TMEM196: variants seen among roughly 807,000 people sequenced by gnomAD.
TMEM196 encodes transmembrane protein 196.
TMEM196 carries 17 observed loss-of-function variants against 20.0 expected under a neutral mutation model. The ratio of observed to expected loss-of-function variants is 0.85; its 90% CI spans 0.58 to 1.27. TMEM196 has a LOEUF of 1.27. Among genes scored for constraint, TMEM196 ranks in the 50% most tolerant of loss-of-function variants. The pLI, the probability that TMEM196 is intolerant of heterozygous loss-of-function variation, is 0.00. For missense variants in TMEM196, 267 were observed against 223.0 expected (o/e 1.20, Z -1.26); for synonymous variants, 113 against 88.9 (o/e 1.27, Z -1.52).
chr7:19,745,172 T>C (rs2128026470), intron 1 of TMEM196, among the ~76,000 whole-genome samples: 1 of 152,362 alleles, frequency 6.6e-6, no homozygotes, highest in African/African-American at 2.4e-5. Flanking sequence ...AATGCTACTA[T>C]GTAAATAGTT....
At chr7:19,758,499 T>C (rs1785304482) in intron 1 of TMEM196, among the ~76,000 whole-genome samples, 1 of 152,210 alleles carries the variant, frequency 6.6e-6, no homozygotes. Flanking sequence ...GAATCATCTG[T>C]CGAAATAATG....
intron 1 of TMEM196, among the ~76,000 whole-genome samples, chr7:19,744,625 A>G (rs1015598624): frequency 6.6e-6 from 1 of 152,214 alleles, no homozygotes; most frequent in Non-Finnish European, 1.5e-5. Context: ...CTTAGCCTTA[A>G]CAAAAAACAA....
intron 1 of TMEM196, among the ~76,000 whole-genome samples, chr7:19,741,505 AAC>A (rs897773434): frequency 2.6e-5 from 4 of 152,170 alleles, no homozygotes; most frequent in Non-Finnish European, 5.9e-5. Context: ...AACATTTGAA[AAC>A]AGTTATGGTT....
rs1783800924 is a variant in TMEM196, at chr7:19,721,200, AG to A, written c.*927del. The A allele has an allele frequency of 6.6e-6, 1 of 151,900 alleles. No homozygotes were observed. Among genetic ancestry groups the A allele is most frequent in the Non-Finnish European group, 1.5e-5 (1 of 67,794 alleles). 9.4% of individuals were successfully genotyped at this position (151,900 alleles called of 1,614,324 possible). The stretch of plus-strand genomic sequence containing the variant: ...AAACATGTGATTTTGTGGGCATAGA[AG>A]GGCCTTGAGCAATTGCCTTCCCATT... On this transcript the variant is annotated 3_prime_UTR_variant, in exon 5 of 5. Coordinates refer to ENST00000405844, the MANE Select transcript of TMEM196 (RefSeq NM_001363562.2).
chr7:19,763,532 C>T (rs1785510869), intron 1 of TMEM196, among the ~76,000 whole-genome samples: 2 of 152,110 alleles, frequency 1.3e-5, no homozygotes, highest in Non-Finnish European at 2.9e-5. Flanking sequence ...CACACCAAAT[C>T]ACAACTATTA....
intron 1 of TMEM196, among the ~76,000 whole-genome samples, chr7:19,758,142 A>G (rs1290934383): frequency 2.0e-5 from 3 of 151,882 alleles, no homozygotes; most frequent in Non-Finnish European, 4.4e-5. Context: ...TGAGCTTTGG[A>G]CTCTGTTTTT....
intron 1 of TMEM196, among the ~76,000 whole-genome samples, chr7:19,770,184 C>CT (rs1167749546): frequency 2.6e-5 from 4 of 152,172 alleles, no homozygotes; most frequent in African/African-American, 7.2e-5. Context: ...CTTTCTCCCC[C>CT]TTTTTTGCCT....
intron 1 of TMEM196, among the ~76,000 whole-genome samples, chr7:19,764,514 A>G (rs1003440178): frequency 6.6e-6 from 1 of 152,076 alleles, no homozygotes; most frequent in African/African-American, 2.4e-5. Flanking sequence ...TGACTTTACA[A>G]ATGTTAATAG....
chr7:19,747,716 C>T (rs1784812483), intron 1 of TMEM196, among the ~76,000 whole-genome samples: 1 of 152,148 alleles, frequency 6.6e-6, no homozygotes, highest in Admixed American at 6.5e-5. Context: ...TTTTATTTTC[C>T]TCTATTAGAA....
chr7:19,719,698 T>C lies in TMEM196; in HGVS notation c.*2430A>G, dbSNP rs1783753339. On this transcript the variant is annotated 3_prime_UTR_variant, in exon 5 of 5. Transcript: ENST00000405844. The stretch of plus-strand genomic sequence containing the variant: ...GCACTTGAACAATGTCTTCCTAACA[T>C]CCCCCACTTATCTAAAAAAGAATCG... 1 of 151,966 alleles carries C rather than the reference T, an allele frequency of 6.6e-6. No individual in the cohort carries two copies. The highest frequency in any genetic ancestry group is 6.6e-5 in the Admixed American group (1 of 15,250). The allele number at this position is 151,966 out of a possible 1,614,324, so 9.4% of individuals were successfully genotyped here. A position where few individuals can be genotyped will look rare whatever the true frequency, so the allele number is the denominator to read the frequency against.
At chr7:19,725,413 G>A in intron 3 of TMEM196, 101 bp downstream of exon 3, 1 of 1,423,472 alleles carries the variant, frequency 7.0e-7, no homozygotes, top group South Asian at 1.6e-5. Flanking sequence ...TATAAAATCT[G>A]ATTCCTCAAA....
intron 1 of TMEM196, among the ~76,000 whole-genome samples, chr7:19,749,439 A>T (rs569518587): frequency 6.6e-6 from 1 of 152,350 alleles, no homozygotes; most frequent in East Asian, 1.9e-4. Context: ...TCCAAGTGGG[A>T]AAACACCTTC....
intron 1 of TMEM196, among the ~76,000 whole-genome samples, chr7:19,744,702 A>G (rs1018886237): frequency 2.6e-5 from 4 of 152,250 alleles, no homozygotes; most frequent in Non-Finnish European, 5.9e-5. Flanking sequence ...TGTTAAATCA[A>G]GAATGACCCC....
intron 1 of TMEM196, among the ~76,000 whole-genome samples, chr7:19,733,659 TTAA>T (rs1305762448): frequency 1.1e-3 from 159 of 148,284 alleles, no homozygotes; most frequent in Middle Eastern, 7.0e-3. Flanking sequence ...AGATCCTTTT[TTAA>T]AAAAAAAAAA....
chr7:19,740,343 T>C (rs1784543385), intron 1 of TMEM196, among the ~76,000 whole-genome samples: 1 of 152,150 alleles, frequency 6.6e-6, no homozygotes, highest in Non-Finnish European at 1.5e-5. Flanking sequence ...AAAGTAACTC[T>C]GGAAAAACAA....
intron 2 of TMEM196, among the ~76,000 whole-genome samples, chr7:19,729,107 G>A (rs1784101486): frequency 1.3e-5 from 2 of 152,120 alleles, no homozygotes; most frequent in African/African-American, 4.8e-5. Context: ...GAAAACTAGA[G>A]ACTGTCATCC....
At chr7:19,738,314 A>G (rs1252966063) in intron 1 of TMEM196, among the ~76,000 whole-genome samples, 1 of 152,082 alleles carries the variant, frequency 6.6e-6, no homozygotes, top group Non-Finnish European at 1.5e-5. Context: ...ATCGTAAGGG[A>G]TTGGAGTTGT....
intron 1 of TMEM196, among the ~76,000 whole-genome samples, chr7:19,758,136 C>G (rs529490408): frequency 6.6e-6 from 1 of 152,024 alleles, no homozygotes; most frequent in Admixed American, 6.6e-5. Context: ...GATAAATGAG[C>G]TTTGGACTCT....
rs149983214 is a variant in TMEM196, at chr7:19,769,020, C to G, written c.147+3530G>C. ...AAAAGCTTATGATTTTAGGGTCTCTCTATATAAAAATAATCCTTTTATAGT... is the reference window on the plus strand; with the variant it reads ...AAAAGCTTATGATTTTAGGGTCTCTGTATATAAAAATAATCCTTTTATAGT... On this transcript the variant is annotated intron_variant, in intron 1 of 4. Transcript: ENST00000405844. Among the ~76,000 whole-genome samples, 26 of 152,214 alleles carry G rather than the reference C, an allele frequency of 1.7e-4. No homozygotes were observed. In the East Asian group the frequency reaches 4.6e-3, roughly 27 times the overall value.
Sources: allele counts gnomAD v4.1 joint callset (sites outside exome capture counted in the v4.1 genomes callset), GRCh38; gene constraint gnomAD v4.1.1; transcripts MANE v1.5; gene names NCBI Gene and HGNC (gene_info 2026-07-23, HGNC 2026-07-21).